COL4A5: variants seen among roughly 807,000 people sequenced by gnomAD.
The protein encoded by COL4A5 is collagen alpha-5(IV) chain.
In COL4A5, 26 loss-of-function variants were observed where a neutral mutation model predicts 130.2. That is an observed-to-expected ratio of 0.20 (90% CI 0.15 to 0.28). COL4A5 has a LOEUF of 0.28. Among genes scored for constraint, COL4A5 ranks in the 10% least tolerant of loss-of-function variants. The pLI is 1.00. For missense variants in COL4A5, 1,131 were observed against 1,344.3 expected (o/e 0.84, Z 2.48); for synonymous variants, 496 against 439.6 (o/e 1.13, Z -1.60).
Position 108,640,988 on chromosome X carries a change from A to G in COL4A5, c.3247-14343A>G, listed in dbSNP as rs1284484635. On this transcript the variant is annotated intron_variant, in intron 36 of 52. Coordinates refer to ENST00000328300, the MANE Select transcript of COL4A5 (RefSeq NM_033380.3). ...TGTACATGAAAAGGTGTTTAACCTC[A>G]TTAGTCATTATGAAAATGCAAATCA... Among the ~76,000 whole-genome samples the G allele has an allele frequency of 2.0e-4, 22 of 111,971 alleles. No homozygotes were observed. The Admixed American group carries it at 2.1e-3, about 11-fold the overall frequency.
Position 108,468,890 on chromosome X carries a change from G to A in COL4A5, c.81+28684G>A, listed in dbSNP as rs747150403. On this transcript the variant is annotated intron_variant, in intron 1 of 52. Transcript: ENST00000328300. ...ATATTTATAGAATGAGTTAGGTAGT[G>A]CTATTCTGCTTTTTGGAAGAGTGCG... Among the ~76,000 whole-genome samples, 155 of 110,522 alleles carry A rather than the reference G, an allele frequency of 1.4e-3. 1 individual carries two copies. Among genetic ancestry groups the A allele is most frequent in the Middle Eastern group, 4.8e-3 (1 of 210 alleles).
chrX:108,697,469 C>T lies in COL4A5; in HGVS notation c.*1091C>T, dbSNP rs1238644154. ...AAATACTCACAGGATACCTTATTTC[C>T]CTAGCTATCATCTCCTGACTTAATG... On this transcript the variant is annotated 3_prime_UTR_variant, in exon 53 of 53. Transcript: ENST00000328300. The T allele has an allele frequency of 9.1e-6, 1 of 110,348 alleles. No homozygotes were observed. Among genetic ancestry groups the T allele is most frequent in the African/African-American group, 3.3e-5 (1 of 30,392 alleles). 9.1% of individuals were successfully genotyped at this position (110,348 alleles called of 1,213,427 possible). A position where few individuals can be genotyped will look rare whatever the true frequency, so the allele number is the denominator to read the frequency against.
chrX:108,534,154 AAG>A (rs1339875510), intron 1 of COL4A5, among the ~76,000 whole-genome samples: 2 of 109,291 alleles, frequency 1.8e-5, no homozygotes, highest in East Asian at 2.8e-4. Flanking sequence ...GAGAAAGAGA[AAG>A]AGAGAGAGAG....
chrX:108,667,214 CTATAATAAAATGAGATTATTTCCAAA>C (rs1449231073), intron 40 of COL4A5, 31 bp downstream of exon 40: 5 of 1,132,326 alleles, frequency 4.4e-6, no homozygotes, highest in Non-Finnish European at 6.1e-6. Flanking sequence ...CTAAATCAAT[CTATAATAAAATGAGATTATTTCCAAA>C]TACATCTATT....
chrX:108,548,506 A>C (rs1275702722), intron 2 of COL4A5, among the ~76,000 whole-genome samples: 1 of 111,383 alleles, frequency 9.0e-6, no homozygotes, highest in Non-Finnish European at 1.9e-5. Context: ...ATATAAATGG[A>C]GTCCTCTAAG....
intron 2 of COL4A5, among the ~76,000 whole-genome samples, chrX:108,544,423 G>C (rs1345814443): frequency 1.8e-5 from 2 of 112,015 alleles, no homozygotes; most frequent in Non-Finnish European, 3.8e-5. Context: ...ATTGATTGGC[G>C]TATGTTGAAC....
chrX:108,499,004 T>G, intron 1 of COL4A5, among the ~76,000 whole-genome samples: 1 of 111,262 alleles, frequency 9.0e-6, no homozygotes, highest in Non-Finnish European at 1.9e-5. Context: ...CTTATCTAAT[T>G]GCGGTGGATG....
chrX:108,460,981 A>G (rs1308217027), intron 1 of COL4A5, among the ~76,000 whole-genome samples: 1 of 110,926 alleles, frequency 9.0e-6, no homozygotes, highest in East Asian at 2.8e-4. Flanking sequence ...CAGTTGCAGT[A>G]AAGACTTCTT....
intron 38 of COL4A5, among the ~76,000 whole-genome samples, chrX:108,666,177 G>A (rs755659318): frequency 1.8e-5 from 2 of 111,733 alleles, no homozygotes; most frequent in South Asian, 7.5e-4. Context: ...GCTGTAGTAA[G>A]TAAGTTTGTT....
chrX:108,493,244 A>G (rs2065007181), intron 1 of COL4A5, among the ~76,000 whole-genome samples: 1 of 111,913 alleles, frequency 8.9e-6, no homozygotes, highest in Non-Finnish European at 1.9e-5. Context: ...CATCTGTTTT[A>G]GAGATTTCAT....
At position 108,681,801 on chromosome X, in the gene COL4A5, A is replaced by C. The variant is rs751841930; in HGVS notation, c.4129A>C (p.Ile1377Leu). The C allele has an allele frequency of 8.3e-7, 1 of 1,206,807 alleles. No individual in the cohort carries two copies. Among genetic ancestry groups the C allele is most frequent in the African/African-American group, 1.8e-5 (1 of 56,930 alleles). The part of the protein sequence containing the change: ...LPGPSGQSII[I>L]KGDAGPPGIP... ...TGGTCCTTCAGGACAGAGTATCATA[A>C]TTAAAGGAGATGCTGGTCCTCCAGG... The change falls in exon 47 of 53, where the codon ATT becomes CTT. Residue 1377 changes from isoleucine (I) to leucine (L), a missense_variant. Ile to Leu is a conservative substitution (Grantham distance 5). Transcript: ENST00000328300.
intron 1 of COL4A5, among the ~76,000 whole-genome samples, chrX:108,488,776 T>C (rs953398188): frequency 1.2e-4 from 13 of 111,764 alleles, no homozygotes; most frequent in Non-Finnish European, 2.1e-4. Flanking sequence ...CAATGTCTTT[T>C]CTCCTTAACT....
chrX:108,647,067 C>T (rs192096216), intron 36 of COL4A5, among the ~76,000 whole-genome samples: 1 of 110,945 alleles, frequency 9.0e-6, no homozygotes, highest in Non-Finnish European at 1.9e-5. Flanking sequence ...GATGCAGGCT[C>T]TTTTTTGGTT....
intron 41 of COL4A5, among the ~76,000 whole-genome samples, chrX:108,669,876 A>G (rs979902116): frequency 1.8e-5 from 2 of 111,904 alleles, no homozygotes; most frequent in Non-Finnish European, 3.8e-5. Flanking sequence ...GACTTCTCAA[A>G]TTATTTCATA....
At chrX:108,550,083 A>T (rs1253242219) in intron 2 of COL4A5, among the ~76,000 whole-genome samples, 2 of 111,871 alleles carry the variant, frequency 1.8e-5, no homozygotes, top group Non-Finnish European at 3.8e-5. Flanking sequence ...TTACTGATGA[A>T]TTCTATGAAA....
intron 3 of COL4A5, among the ~76,000 whole-genome samples, chrX:108,561,907 A>G (rs2065904555): frequency 8.9e-6 from 1 of 111,822 alleles, no homozygotes; most frequent in Non-Finnish European, 1.9e-5. Context: ...TCCCAAGTAG[A>G]ACTTTAGTAC....
chrX:108,577,293 AC>A (rs1415013480), intron 10 of COL4A5, among the ~76,000 whole-genome samples: 1 of 103,656 alleles, frequency 9.6e-6, no homozygotes, highest in Admixed American at 1.1e-4. Flanking sequence ...AATCGCTTGA[AC>A]CCAGGAGGCG....
At chrX:108,461,220 T>C (rs2064647312) in intron 1 of COL4A5, among the ~76,000 whole-genome samples, 1 of 112,051 alleles carries the variant, frequency 8.9e-6, no homozygotes, top group Non-Finnish European at 1.9e-5. Context: ...ACAACCTTTA[T>C]ACTAAAAATA....
intron 1 of COL4A5, among the ~76,000 whole-genome samples, chrX:108,511,021 ATATT>A (rs1276931266): frequency 9.0e-6 from 1 of 111,329 alleles, no homozygotes; most frequent in Non-Finnish European, 1.9e-5. Flanking sequence ...TTGAAACTAT[ATATT>A]ATTGTTCAAA....
Sources: gnomAD v4.1 joint callset for allele counts (sites outside exome capture counted in the v4.1 genomes callset) on GRCh38, gnomAD v4.1.1 for gene constraint, MANE v1.5 for transcripts, NCBI Gene and HGNC (gene_info 2026-07-23, HGNC 2026-07-21) for gene names.